TBC1D5: variants seen among roughly 807,000 people sequenced by gnomAD.
TBC1D5 encodes TBC1 domain family, member 5.
TBC1D5 carries 75 observed loss-of-function variants against 100.3 expected under a neutral mutation model. The ratio of observed to expected loss-of-function variants is 0.75; its 90% CI spans 0.62 to 0.91. The LOEUF (loss-of-function observed/expected upper bound fraction) is 0.91, where lower values mean the gene tolerates loss of function less well. Ranked by LOEUF, TBC1D5 falls within the 40% of genes least tolerant of loss-of-function variation. TBC1D5 has a pLI of 0.00. For missense variants in TBC1D5, 910 were observed against 942.4 expected, an observed-to-expected ratio of 0.97 and a Z score of 0.45; for synonymous variants, 323 against 325.6, an observed-to-expected ratio of 0.99 and a Z score of 0.09.
At chr3:17,352,615 AG>A (rs2090735491) in intron 13 of TBC1D5, among the ~76,000 whole-genome samples, 1 of 151,298 alleles carries the variant, frequency 6.6e-6, no homozygotes, top group Non-Finnish European at 1.5e-5. Flanking sequence ...ATTGAACAGA[AG>A]ACAAATAACA....
intron 16 of TBC1D5, among the ~76,000 whole-genome samples, chr3:17,250,779 G>A (rs2077108357): frequency 6.6e-6 from 1 of 152,048 alleles, no homozygotes; most frequent in African/African-American, 2.4e-5. Context: ...TTGGTTTTGT[G>A]TTTCTTATAG....
At chr3:17,325,651 C>T (rs1196374720) in intron 13 of TBC1D5, among the ~76,000 whole-genome samples, 2 of 151,954 alleles carry the variant, frequency 1.3e-5, no homozygotes, top group East Asian at 1.9e-4. Context: ...ATGTATTATG[C>T]TAAGTGGAAT....
intron 3 of TBC1D5, among the ~76,000 whole-genome samples, chr3:17,435,320 T>TTAG (rs1318866525): frequency 3.3e-5 from 5 of 152,314 alleles, no homozygotes; most frequent in African/African-American, 1.2e-4. Context: ...ATTTACTGTA[T>TTAG]TAGTACCTTA....
chr3:17,522,617 A>T (rs2153329757), intron 2 of TBC1D5, among the ~76,000 whole-genome samples: 1 of 152,284 alleles, frequency 6.6e-6, no homozygotes, highest in South Asian at 2.1e-4. Context: ...AGGGTACATG[A>T]AAAGAATTAA....
chr3:17,515,294 T>C (rs906330919), intron 2 of TBC1D5, among the ~76,000 whole-genome samples: 1 of 152,196 alleles, frequency 6.6e-6, no homozygotes, highest in Non-Finnish European at 1.5e-5. Flanking sequence ...TAAAAGTCCA[T>C]ATGAATCTGT....
intron 16 of TBC1D5, among the ~76,000 whole-genome samples, chr3:17,254,760 C>CGG (rs1349069413): frequency 1.0e-4 from 3 of 28,790 alleles, no homozygotes; most frequent in African/African-American, 2.7e-4. Context: ...TTTACCGTGG[C>CGG]GGGGGTGGGG....
At chr3:17,612,650 A>G (rs1001964083) in intron 2 of TBC1D5, among the ~76,000 whole-genome samples, 2 of 152,182 alleles carry the variant, frequency 1.3e-5, no homozygotes, top group Middle Eastern at 3.4e-3. Context: ...AAAAAATAAA[A>G]TAAACAAACT....
At chr3:17,261,511 T>A (rs2078283869) in intron 15 of TBC1D5, among the ~76,000 whole-genome samples, 1 of 152,146 alleles carries the variant, frequency 6.6e-6, no homozygotes, top group Admixed American at 6.5e-5. Context: ...TCTCATTCTG[T>A]CGCCCAGGCT....
At position 17,437,507 on chromosome 3, in the gene TBC1D5, C is replaced by T. The variant is rs75455988; in HGVS notation, c.98-8988G>A. Among the ~76,000 whole-genome samples, 1,044 of 151,540 alleles carry T rather than the reference C, an allele frequency of 6.9e-3. 11 individuals are homozygous for T. The highest frequency in any genetic ancestry group is 0.024 in the African/African-American group (1,003 of 41,266). On this transcript the variant is annotated intron_variant, in intron 3 of 21. Coordinates refer to ENST00000253692, the Ensembl canonical transcript of TBC1D5. ...ACATCTATTACAAGAGGGGGTGGTA[C>T]CAGATCATATCTGATAATCCAAATC...
chr3:17,653,725 TTAAAC>T (rs2065801528), intron 1 of TBC1D5, among the ~76,000 whole-genome samples: 1 of 152,042 alleles, frequency 6.6e-6, no homozygotes, highest in Non-Finnish European at 1.5e-5. Flanking sequence ...GTTTTGAAAA[TTAAAC>T]TATGGTTACA....
chr3:17,221,235 T>C, intron 17 of TBC1D5, among the ~76,000 whole-genome samples: 1 of 152,004 alleles, frequency 6.6e-6, no homozygotes, highest in East Asian at 1.9e-4. Context: ...GGAGAGAGTA[T>C]CTTGGGTTAT....
At chr3:17,341,575 C>T (rs1339530959) in intron 13 of TBC1D5, among the ~76,000 whole-genome samples, 6 of 152,126 alleles carry the variant, frequency 3.9e-5, no homozygotes, top group African/African-American at 1.4e-4. Flanking sequence ...TTACTTTTAT[C>T]AGGTCACACA....
At chr3:17,602,911 T>G (rs1354431095) in intron 2 of TBC1D5, among the ~76,000 whole-genome samples, 1 of 152,024 alleles carries the variant, frequency 6.6e-6, no homozygotes, top group Non-Finnish European at 1.5e-5. Flanking sequence ...CTCACTTAAA[T>G]CCTTAAAGCC....
chr3:17,456,632 C>T (rs1366197447), intron 3 of TBC1D5, among the ~76,000 whole-genome samples: 3 of 152,180 alleles, frequency 2.0e-5, no homozygotes, highest in African/African-American at 7.2e-5. Context: ...TGGCTTTTAT[C>T]CAAAAGACAG....
chr3:17,474,372 CCTTTGGGCAAAATGGGAAAATCATA>C (rs1470393591), intron 3 of TBC1D5, among the ~76,000 whole-genome samples: 1 of 152,020 alleles, frequency 6.6e-6, no homozygotes, highest in Non-Finnish European at 1.5e-5. Flanking sequence ...TCTTTGTTTT[CCTTTGGGCAAAATGGGAAAATCATA>C]CCCTGTTTTC....
chr3:17,291,959 T>C, exon 15 of TBC1D5: 1 of 1,613,968 alleles, frequency 6.2e-7, no homozygotes, highest in South Asian at 1.1e-5. Flanking sequence ...GAATGGGTAA[T>C]GCATCAGAAG....
rs536208464 is a variant in TBC1D5 at position 17,675,346 on chromosome 3, T to C, written c.-100-51433A>G. On this transcript the variant is annotated intron_variant, in intron 1 of 21. Coordinates refer to ENST00000253692, the Ensembl canonical transcript of TBC1D5. ...GAATGTGTGAACGTTCTACTAAAGATAGCTGAACTAGTAGAAACTCCATTT... is the reference window on the plus strand; with the variant it reads ...GAATGTGTGAACGTTCTACTAAAGACAGCTGAACTAGTAGAAACTCCATTT... 2.6e-5 allele frequency among the ~76,000 whole-genome samples: 4 copies of C among 152,232 alleles called. No individual in the cohort carries two copies. The East Asian group carries it at 5.8e-4, about 22-fold the overall frequency.
intron 14 of TBC1D5, among the ~76,000 whole-genome samples, chr3:17,301,070 GAA>G (rs1404389583): frequency 2.4e-5 from 2 of 82,566 alleles, no homozygotes; most frequent in African/African-American, 4.6e-5. Flanking sequence ...CTCCGTCTCA[GAA>G]AAAAAAAAAA....
exon 4 of TBC1D5, chr3:17,428,456 G>A (rs2094386560): frequency 1.4e-6 from 2 of 1,379,540 alleles, no homozygotes; most frequent in Non-Finnish European, 1.9e-6. Context: ...CTACCTATAG[G>A]AATTAAAAGT....
Sources: allele counts gnomAD v4.1 joint callset (sites outside exome capture counted in the v4.1 genomes callset), GRCh38; gene constraint gnomAD v4.1.1; transcripts MANE v1.5; gene names NCBI Gene and HGNC (gene_info 2026-07-23, HGNC 2026-07-21).